Variants in GPR158 observed in about 807,000 individuals in gnomAD.
GPR158 encodes metabotropic glycine receptor.
In GPR158, 30 loss-of-function variants were observed where a neutral mutation model predicts 78.2. The ratio of observed to expected loss-of-function variants is 0.38; its 90% CI spans 0.29 to 0.52. GPR158 has a LOEUF of 0.52. GPR158 is among the 20% of genes least tolerant of loss of function. The probability of loss-of-function intolerance (pLI) is 0.83; values close to 1 mark genes in which losing one functional copy is unlikely to be tolerated. For missense variants in GPR158, 1,463 were observed against 1,523.5 expected, an observed-to-expected ratio of 0.96 and a Z score of 0.66; for synonymous variants, 581 against 591.1, an observed-to-expected ratio of 0.98 and a Z score of 0.25.
intron 5 of GPR158, among the ~76,000 whole-genome samples, chr10:25,544,714 TA>T (rs1336244405): frequency 5.9e-5 from 9 of 152,200 alleles, no homozygotes. Flanking sequence ...TTATATATAA[TA>T]TTTTTTGTTA....
intron 2 of GPR158, among the ~76,000 whole-genome samples, chr10:25,252,894 C>A (rs1461102390): frequency 1.4e-5 from 2 of 146,464 alleles, no homozygotes; most frequent in Non-Finnish European, 1.5e-5. Context: ...TGGGCAATGG[C>A]GGGCGCCCCT....
At chr10:25,228,473 C>T (rs1245197114) in intron 2 of GPR158, among the ~76,000 whole-genome samples, 1 of 151,966 alleles carries the variant, frequency 6.6e-6, no homozygotes, top group Non-Finnish European at 1.5e-5. Flanking sequence ...CCATTGTGCT[C>T]CTTAAAATGA....
At chr10:25,388,275 G>C (rs1834248388) in intron 2 of GPR158, among the ~76,000 whole-genome samples, 1 of 152,364 alleles carries the variant, frequency 6.6e-6, no homozygotes, top group African/African-American at 2.4e-5. Flanking sequence ...GGTGAGGTGA[G>C]AGCGGTGGCA....
rs374459779 is a variant in GPR158, at chr10:25,332,353, T to G, written c.1009-63558T>G. 7.2e-5 allele frequency among the ~76,000 whole-genome samples: 11 copies of G among 152,370 alleles called. No individual in the cohort carries two copies. In the South Asian group the frequency reaches 2.1e-3, roughly 29 times the overall value. The stretch of plus-strand genomic sequence containing the variant: ...GTGATATTGACAATGTTTCTTAAGC[T>G]AGGACTTTCTTTTCCTTTTTGGTTT... On this transcript the variant is annotated intron_variant, in intron 2 of 10. Transcript: ENST00000376351.
intron 2 of GPR158, among the ~76,000 whole-genome samples, chr10:25,278,282 A>G (rs1319911553): frequency 6.6e-6 from 1 of 152,210 alleles, no homozygotes; most frequent in African/African-American, 2.4e-5. Context: ...AGAAATAAAA[A>G]TAAAATTGAT....
At position 25,340,736 on chromosome 10, in the gene GPR158, A is replaced by T. The variant is rs188440979; in HGVS notation, c.1009-55175A>T. On this transcript the variant is annotated intron_variant, in intron 2 of 10. Transcript: ENST00000376351. ...GAAAAGAGCTTAAAAAACAGAATAG[A>T]GTGAGAAATTACAATCTATGTGTTA... is the stretch of plus-strand genomic sequence containing the variant. Among the ~76,000 whole-genome samples the T allele has an allele frequency of 4.3e-4, 66 of 152,152 alleles. 1 individual carries two copies. The highest frequency in any genetic ancestry group is 1.5e-3 in the African/African-American group (61 of 41,552).
At chr10:25,209,067 G>T (rs1853091871) in intron 1 of GPR158, among the ~76,000 whole-genome samples, 1 of 151,916 alleles carries the variant, frequency 6.6e-6, no homozygotes, top group South Asian at 2.1e-4. Flanking sequence ...TATTGGCCAG[G>T]CTAGTCTTGA....
chr10:25,345,204 C>T (rs1021564825), intron 2 of GPR158, among the ~76,000 whole-genome samples: 1 of 151,922 alleles, frequency 6.6e-6, no homozygotes, highest in Non-Finnish European at 1.5e-5. Flanking sequence ...CGGCAACATT[C>T]GGCAAACAGA....
intron 2 of GPR158, among the ~76,000 whole-genome samples, chr10:25,260,075 C>A (rs933416365): frequency 5.3e-5 from 8 of 152,008 alleles, no homozygotes; most frequent in Non-Finnish European, 1.2e-4. Context: ...ATGTTGAATA[C>A]AAGTAATAAG....
At chr10:25,366,113 T>C (rs1855719638) in intron 2 of GPR158, among the ~76,000 whole-genome samples, 1 of 151,016 alleles carries the variant, frequency 6.6e-6, no homozygotes, top group Non-Finnish European at 1.5e-5. Flanking sequence ...ATTTATTTCT[T>C]CATTCTACTG....
intron 5 of GPR158, among the ~76,000 whole-genome samples, chr10:25,480,572 G>T (rs1835653243): frequency 6.6e-6 from 1 of 152,110 alleles, no homozygotes; most frequent in African/African-American, 2.4e-5. Flanking sequence ...CTTCACATGA[G>T]CAGAATCACA....
At chr10:25,241,177 CTTTCTTTCT>C (rs1853607231) in intron 2 of GPR158, among the ~76,000 whole-genome samples, 2 of 84,680 alleles carry the variant, frequency 2.4e-5, no homozygotes, top group Non-Finnish European at 4.9e-5. Context: ...TTCTTTCTTT[CTTTCTTTCT>C]TTCCTTTCTT....
intron 1 of GPR158, among the ~76,000 whole-genome samples, chr10:25,200,868 G>GGTT (rs1852915005): frequency 8.8e-6 from 1 of 113,304 alleles, no homozygotes. Context: ...TTTTTGTTTT[G>GGTT]TTTTTTTTTT....
chr10:25,351,432 G>T (rs67989843), intron 2 of GPR158, among the ~76,000 whole-genome samples: 12 of 132,648 alleles, frequency 9.0e-5, no homozygotes, highest in South Asian at 5.4e-4. Context: ...AGTTGGGGGT[G>T]GGGGGGTGCT....
intron 2 of GPR158, among the ~76,000 whole-genome samples, chr10:25,366,697 ATTC>A (rs768732914): frequency 3.2e-4 from 49 of 151,798 alleles, no homozygotes; most frequent in Admixed American, 1.3e-3. Context: ...GAAATTTTGT[ATTC>A]TTTGACCAGA....
intron 2 of GPR158, among the ~76,000 whole-genome samples, chr10:25,387,523 T>C (rs973511358): frequency 6.6e-6 from 1 of 151,558 alleles, no homozygotes; most frequent in African/African-American, 2.4e-5. Flanking sequence ...CAAATTTTTT[T>C]TTTTTTTTTT....
At chr10:25,310,939 G>A (rs1172074234) in intron 2 of GPR158, among the ~76,000 whole-genome samples, 2 of 151,908 alleles carry the variant, frequency 1.3e-5, no homozygotes, top group African/African-American at 4.8e-5. Context: ...CTATCCAGGA[G>A]TCCTAGCACC....
At chr10:25,450,323 T>G (rs1265292534) in intron 4 of GPR158, among the ~76,000 whole-genome samples, 17 of 150,908 alleles carry the variant, frequency 1.1e-4, no homozygotes. Context: ...GGGGCTGTTC[T>G]GTGCTGAAGA....
intron 7 of GPR158, among the ~76,000 whole-genome samples, chr10:25,579,225 T>G (rs1837152434): frequency 6.6e-6 from 1 of 152,062 alleles, no homozygotes; most frequent in African/African-American, 2.4e-5. Flanking sequence ...CAGGATTTTT[T>G]GCAATCACAT....
Sources: gnomAD v4.1 joint callset for allele counts (sites outside exome capture counted in the v4.1 genomes callset) on GRCh38, gnomAD v4.1.1 for gene constraint, MANE v1.5 for transcripts, NCBI Gene and HGNC (gene_info 2026-07-23, HGNC 2026-07-21) for gene names.